The following CCDC178 variants were observed in gnomAD, a reference collection of about 807,000 sequenced individuals.
CCDC178 encodes the protein coiled-coil domain-containing protein 178.
A neutral mutation model predicts 117.4 loss-of-function variants in CCDC178; 126 were observed. The observed-to-expected ratio is 1.07, with a 90% confidence interval of 0.93 to 1.24. The LOEUF is 1.24. Among genes scored for constraint, CCDC178 ranks in the 50% most tolerant of loss-of-function variants. CCDC178 has a pLI of 0.00. For synonymous variants in CCDC178, 283 were observed against 313.4 expected, an observed-to-expected ratio of 0.90 and a Z score of 1.02; for missense variants, 1,030 against 986.9, an observed-to-expected ratio of 1.04 and a Z score of -0.59.
At chr18:32,965,963 A>G (rs1485656940) in intron 22 of CCDC178, among the ~76,000 whole-genome samples, 1 of 149,118 alleles carries the variant, frequency 6.7e-6, no homozygotes, top group Admixed American at 6.7e-5. Flanking sequence ...TAAGATATAT[A>G]ATAGAATCAA....
intron 21 of CCDC178, among the ~76,000 whole-genome samples, chr18:33,074,186 T>C (rs1190461762): frequency 6.6e-6 from 1 of 151,518 alleles, no homozygotes; most frequent in Admixed American, 6.6e-5. Context: ...AATTATGATT[T>C]TATATATATA....
intron 10 of CCDC178, chr18:33,328,245 G>GGC: frequency 1.7e-5 from 4 of 233,122 alleles, no homozygotes; most frequent in Non-Finnish European, 3.4e-5. Flanking sequence ...TGGGACTACA[G>GGC]GCCCGTGCCA....
chr18:32,978,088 T>G (rs1292208715), intron 21 of CCDC178, among the ~76,000 whole-genome samples: 1 of 152,268 alleles, frequency 6.6e-6, no homozygotes, highest in African/African-American at 2.4e-5. Flanking sequence ...GTCTGTATTC[T>G]AGCTTGAGGT....
chr18:33,123,819 G>C (rs2144224049), intron 20 of CCDC178, among the ~76,000 whole-genome samples: 1 of 152,204 alleles, frequency 6.6e-6, no homozygotes, highest in South Asian at 2.1e-4. Flanking sequence ...AAGATTGAAG[G>C]AAATGGAAAT....
chr18:33,321,456 C>T (rs1031234506), intron 11 of CCDC178, among the ~76,000 whole-genome samples: 1 of 151,940 alleles, frequency 6.6e-6, no homozygotes, highest in Non-Finnish European at 1.5e-5. Context: ...TAAAAAATAA[C>T]CTTGACTACT....
chr18:33,142,514 G>A (rs760949962), intron 20 of CCDC178, among the ~76,000 whole-genome samples: 20 of 152,200 alleles, frequency 1.3e-4, no homozygotes, highest in Non-Finnish European at 2.8e-4. Context: ...GCAGTCTAGA[G>A]TTCAGATGTC....
At chr18:33,205,031 A>G (rs1357537189) in intron 20 of CCDC178, among the ~76,000 whole-genome samples, 4 of 152,074 alleles carry the variant, frequency 2.6e-5, no homozygotes, top group Admixed American at 2.6e-4. Flanking sequence ...TATGACTTTG[A>G]TAATTAATAC....
intron 15 of CCDC178, among the ~76,000 whole-genome samples, chr18:33,237,337 C>T (rs1434651832): frequency 6.6e-6 from 1 of 152,106 alleles, no homozygotes; most frequent in Non-Finnish European, 1.5e-5. Context: ...GCAAACCCAC[C>T]CTTGAACCAG....
chr18:33,323,894 ATTT>A (rs2062550896), intron 10 of CCDC178, among the ~76,000 whole-genome samples: 1 of 151,838 alleles, frequency 6.6e-6, no homozygotes, highest in African/African-American at 2.4e-5. Flanking sequence ...CTCATAAAAA[ATTT>A]TTATTACTCA....
intron 20 of CCDC178, among the ~76,000 whole-genome samples, chr18:33,106,713 G>A (rs1237430002): frequency 1.3e-5 from 2 of 151,784 alleles, no homozygotes; most frequent in African/African-American, 2.4e-5. Context: ...AGATTTGGAG[G>A]TGAAGACATT....
intron 22 of CCDC178, among the ~76,000 whole-genome samples, chr18:32,964,901 C>T (rs961489334): frequency 6.6e-6 from 1 of 151,974 alleles, no homozygotes; most frequent in Non-Finnish European, 1.5e-5. Flanking sequence ...CCTGTCCTTT[C>T]ATATGCCCCC....
intron 21 of CCDC178, among the ~76,000 whole-genome samples, chr18:33,000,276 C>T (rs547758895): frequency 6.6e-6 from 1 of 151,450 alleles, no homozygotes; most frequent in Admixed American, 6.6e-5. Context: ...ACACAGGTTA[C>T]TTGAAAATAA....
chr18:33,085,370 T>C (rs1279173346), intron 21 of CCDC178, among the ~76,000 whole-genome samples: 1 of 152,180 alleles, frequency 6.6e-6, no homozygotes, highest in East Asian at 1.9e-4. Flanking sequence ...GAGACCATCC[T>C]GGCTAACACG....
chr18:33,001,623 G>A (rs573543471), intron 21 of CCDC178, among the ~76,000 whole-genome samples: 42 of 151,838 alleles, frequency 2.8e-4, no homozygotes, highest in Non-Finnish European at 5.0e-4. Context: ...AGGAAGAGAA[G>A]ACCACAAAAC....
chr18:32,980,808 T>C (rs1407132484), intron 21 of CCDC178, among the ~76,000 whole-genome samples: 3 of 152,292 alleles, frequency 2.0e-5, no homozygotes, highest in African/African-American at 4.8e-5. Context: ...TTGGTAAAGA[T>C]GTGAAAAAAA....
intron 20 of CCDC178, among the ~76,000 whole-genome samples, chr18:33,093,478 T>C (rs563746358): frequency 7.9e-5 from 12 of 152,194 alleles, no homozygotes; most frequent in Middle Eastern, 3.4e-3. Flanking sequence ...TTAATATATT[T>C]TAGTTATGTT....
intron 12 of CCDC178, among the ~76,000 whole-genome samples, chr18:33,274,879 T>G (rs1430354729): frequency 6.6e-6 from 1 of 152,108 alleles, no homozygotes; most frequent in Non-Finnish European, 1.5e-5. Flanking sequence ...AAGCATTGCA[T>G]GTGTAATTCT....
chr18:33,177,356 G>C (rs2058676068), intron 20 of CCDC178, among the ~76,000 whole-genome samples: 1 of 151,994 alleles, frequency 6.6e-6, no homozygotes, highest in African/African-American at 2.4e-5. Flanking sequence ...AGAACTTAAA[G>C]TAAAATAAAA....
intron 2 of CCDC178, among the ~76,000 whole-genome samples, chr18:33,435,598 C>CA (rs2064277383): frequency 6.7e-6 from 1 of 148,930 alleles, no homozygotes; most frequent in African/African-American, 2.5e-5. Context: ...AGTGCTATGC[C>CA]ATGGAGGGCT....
Sources: allele counts gnomAD v4.1 joint callset (sites outside exome capture counted in the v4.1 genomes callset), GRCh38; gene constraint gnomAD v4.1.1; transcripts MANE v1.5; gene names NCBI Gene and HGNC (gene_info 2026-07-23, HGNC 2026-07-21).